The following RIN2 variants were observed in gnomAD, a reference collection of about 807,000 sequenced individuals.
RIN2 encodes RAB5 interacting protein 2.
Under a neutral mutation model 78.0 loss-of-function variants are expected in RIN2, and 36 were observed. The ratio of observed to expected loss-of-function variants is 0.46; its 90% CI spans 0.35 to 0.61. The LOEUF (loss-of-function observed/expected upper bound fraction) is 0.61, where lower values mean the gene tolerates loss of function less well. Among genes scored for constraint, RIN2 ranks in the 20% least tolerant of loss-of-function variants. RIN2 has a pLI of 0.00. For synonymous variants in RIN2, 466 were observed against 466.8 expected (o/e 1.00, Z 0.02); for missense variants, 1,087 against 1,159.7 (o/e 0.94, Z 0.91).
At chr20:19,801,217 G>A (rs1043274636) in intron 2 of RIN2, among the ~76,000 whole-genome samples, 1 of 152,078 alleles carries the variant, frequency 6.6e-6, no homozygotes, top group Non-Finnish European at 1.5e-5. Flanking sequence ...AGATCCTGTG[G>A]TATCTGCTCA....
intron 4 of RIN2, among the ~76,000 whole-genome samples, chr20:19,951,075 G>C (rs2041296816): frequency 6.6e-6 from 1 of 152,086 alleles, no homozygotes. Flanking sequence ...TGTATATTTT[G>C]TAGAGACTGG....
intron 1 of RIN2, among the ~76,000 whole-genome samples, chr20:19,778,927 C>G (rs1161779710): frequency 7.9e-5 from 12 of 152,138 alleles, no homozygotes; most frequent in Admixed American, 7.9e-4. Context: ...CAGCCAAAAA[C>G]CAGCGTCGGA....
intron 6 of RIN2, 99 bp from the exon 7 acceptor site, chr20:19,964,853 A>G (rs2041886534): frequency 1.1e-5 from 11 of 992,222 alleles, no homozygotes; most frequent in Non-Finnish European, 1.6e-5. Flanking sequence ...AGTTTGTTTG[A>G]GAGTACTCAG....
At chr20:19,842,052 G>A (rs1048100660) in intron 2 of RIN2, among the ~76,000 whole-genome samples, 3 of 152,146 alleles carry the variant, frequency 2.0e-5, no homozygotes, top group African/African-American at 7.2e-5. Context: ...CTTGTTAGGG[G>A]CTAATGCAGT....
intron 3 of RIN2, among the ~76,000 whole-genome samples, chr20:19,933,606 C>T (rs986483298): frequency 2.0e-5 from 3 of 152,066 alleles, no homozygotes; most frequent in Non-Finnish European, 4.4e-5. Context: ...TGGCATGAAG[C>T]GGGAGCCCAT....
rs146901963 is a variant in RIN2 at position 19,981,262 on chromosome 20, C to T, written c.1762+5475C>T. 1.8e-3 allele frequency among the ~76,000 whole-genome samples: 279 copies of T among 152,198 alleles called. 2 individuals are homozygous for T. Among genetic ancestry groups the T allele is most frequent in the African/African-American group, 6.4e-3 (266 of 41,514 alleles). ...CTGCCTTCCAGTTGGTTTTATGTGG[C>T]GGGAAGGTGACCTCAGAGGTGAAGG... On this transcript the variant is annotated intron_variant, in intron 9 of 12. Transcript: ENST00000255006.
At position 19,995,903 on chromosome 20, in the gene RIN2, TC is replaced by T. The variant is rs547751229; in HGVS notation, c.2201-775del. Among the ~76,000 whole-genome samples the T allele has an allele frequency of 6.6e-5, 10 of 151,980 alleles. No homozygotes were observed. In the South Asian group the frequency reaches 1.7e-3, roughly 25 times the overall value. ...AGCCAAGAGCAAGTGTTGCCACGAG[TC>T]TGGACTGATGGAGGGGATACTGGCC... is the stretch of plus-strand genomic sequence containing the variant. On this transcript the variant is annotated intron_variant, in intron 11 of 12. Coordinates refer to ENST00000255006, the MANE Select transcript of RIN2 (RefSeq NM_018993.4).
intron 2 of RIN2, among the ~76,000 whole-genome samples, chr20:19,873,768 C>T (rs1391251167): frequency 2.0e-5 from 3 of 152,140 alleles, no homozygotes; most frequent in Non-Finnish European, 4.4e-5. Context: ...CATTCATCTG[C>T]ATTATTATGA....
At position 19,956,737 on chromosome 20, in the gene RIN2, A is replaced by C. The variant is rs1245028694; in HGVS notation, c.281A>C (p.His94Pro). The change falls in exon 5 of 13, where the codon CAC becomes CCC. Residue 94 changes from histidine to proline, a missense_variant. His to Pro is a moderately conservative substitution (Grantham distance 77). Transcript: ENST00000255006. ...LSILDRLLHT[H>P]PIWLQLSLSE... ...ATCTTGGACCGGCTCCTCCACACCC[A>C]CCCCATATGGCTGCAGCTGAGTCTG... 1.2e-6 allele frequency: 2 copies of C among 1,608,826 alleles called. No homozygotes were observed. The highest frequency in any genetic ancestry group is 1.7e-6 in the Non-Finnish European group (2 of 1,177,900).
At chr20:19,854,070 A>G (rs946065645) in intron 2 of RIN2, among the ~76,000 whole-genome samples, 19 of 152,172 alleles carry the variant, frequency 1.2e-4, no homozygotes, top group African/African-American at 4.3e-4. Flanking sequence ...GGTGTAAGGA[A>G]GGGATCCAGT....
chr20:19,807,666 G>A (rs1288145054), intron 2 of RIN2, among the ~76,000 whole-genome samples: 9 of 152,236 alleles, frequency 5.9e-5, no homozygotes, highest in African/African-American at 9.6e-5. Context: ...CACACCAGTT[G>A]CCCAAACTTG....
intron 4 of RIN2, among the ~76,000 whole-genome samples, chr20:19,940,191 C>T (rs1003163946): frequency 2.0e-5 from 3 of 152,142 alleles, no homozygotes; most frequent in Non-Finnish European, 4.4e-5. Context: ...AGAAGGTAAG[C>T]TCTGTGAGAC....
intron 2 of RIN2, among the ~76,000 whole-genome samples, chr20:19,881,069 A>C (rs572780364): frequency 3.9e-5 from 6 of 152,336 alleles, no homozygotes; most frequent in South Asian, 4.1e-4. Flanking sequence ...TACTTTTGCT[A>C]TCTTTTATTA....
At chr20:19,815,250 T>C (rs1393729154) in intron 2 of RIN2, among the ~76,000 whole-genome samples, 1 of 152,246 alleles carries the variant, frequency 6.6e-6, no homozygotes, top group Non-Finnish European at 1.5e-5. Context: ...AAGCAATTTA[T>C]GCTAGTTAAG....
chr20:19,802,030 T>C (rs2035257824), intron 2 of RIN2, among the ~76,000 whole-genome samples: 1 of 152,194 alleles, frequency 6.6e-6, no homozygotes, highest in South Asian at 2.1e-4. Context: ...ATACGATATT[T>C]CATTAGGTTA....
intron 2 of RIN2, among the ~76,000 whole-genome samples, chr20:19,857,661 G>C (rs1027169789): frequency 6.6e-6 from 1 of 152,034 alleles, no homozygotes; most frequent in Admixed American, 6.6e-5. Flanking sequence ...ATTCCAGAGG[G>C]TGCATGGGAG....
At chr20:19,912,200 G>T (rs2039499107) in intron 3 of RIN2, among the ~76,000 whole-genome samples, 1 of 152,346 alleles carries the variant, frequency 6.6e-6, no homozygotes, top group South Asian at 2.1e-4. Context: ...GAGTCAAAAT[G>T]CTGTGACCCA....
chr20:19,879,708 A>T (rs16981268), intron 2 of RIN2, among the ~76,000 whole-genome samples: 18,497 of 152,198 alleles, frequency 0.12, 1,349 homozygotes, highest in East Asian at 0.29. Flanking sequence ...GTGATCTTCA[A>T]TGCTGATGTG....
intron 4 of RIN2, among the ~76,000 whole-genome samples, chr20:19,936,035 C>A (rs1470428615): frequency 3.3e-5 from 5 of 152,196 alleles, no homozygotes; most frequent in African/African-American, 1.2e-4. Context: ...GGCAGGCCAG[C>A]CAGATGGTTC....
Sources: allele counts gnomAD v4.1 joint callset (sites outside exome capture counted in the v4.1 genomes callset), GRCh38; gene constraint gnomAD v4.1.1; transcripts MANE v1.5; gene names NCBI Gene and HGNC (gene_info 2026-07-23, HGNC 2026-07-21).